ATXN1: variants seen among roughly 807,000 people sequenced by gnomAD.
ATXN1 encodes the protein ataxin 1.
In ATXN1, 8 loss-of-function variants were observed where a neutral mutation model predicts 56.4. That is an observed-to-expected ratio of 0.14 (90% CI 0.08 to 0.26). The LOEUF (loss-of-function observed/expected upper bound fraction) is 0.26. Ranked by LOEUF, ATXN1 falls within the 10% of genes least tolerant of loss-of-function variation. ATXN1 has a pLI of 1.00. For synonymous variants in ATXN1, 514 were observed against 494.6 expected, an observed-to-expected ratio of 1.04 and a Z score of -0.52; for missense variants, 987 against 1,106.5, an observed-to-expected ratio of 0.89 and a Z score of 1.53.
chr6:16,495,510 G>C (rs1366549716), intron 5 of ATXN1, among the ~76,000 whole-genome samples: 3 of 152,138 alleles, frequency 2.0e-5, no homozygotes, highest in Non-Finnish European at 4.4e-5. Context: ...TTCTTTTTAT[G>C]AACTACTACC....
chr6:16,729,758 A>T (rs188432325), intron 2 of ATXN1, among the ~76,000 whole-genome samples: 39 of 152,216 alleles, frequency 2.6e-4, no homozygotes, highest in African/African-American at 9.1e-4. Flanking sequence ...TTAATTATCT[A>T]TTGCAACGGT....
chr6:16,339,179 C>T (rs1262217250), intron 6 of ATXN1, among the ~76,000 whole-genome samples: 6 of 152,168 alleles, frequency 3.9e-5, no homozygotes, highest in East Asian at 1.9e-4. Context: ...CGATGCAAAG[C>T]GCCAGCAACT....
chr6:16,462,499 T>A (rs1053695523), intron 6 of ATXN1, among the ~76,000 whole-genome samples: 1 of 152,226 alleles, frequency 6.6e-6, no homozygotes, highest in Non-Finnish European at 1.5e-5. Flanking sequence ...GCCCCTTTAA[T>A]GGAATCCTTT....
chr6:16,449,725 G>C (rs1581770838), intron 6 of ATXN1, among the ~76,000 whole-genome samples: 1 of 152,090 alleles, frequency 6.6e-6, no homozygotes, highest in African/African-American at 2.4e-5. Context: ...GTTTTAAGTG[G>C]ATAAGTTTAA....
intron 6 of ATXN1, among the ~76,000 whole-genome samples, chr6:16,461,302 T>C (rs1170740957): frequency 6.6e-6 from 1 of 152,132 alleles, no homozygotes; most frequent in Non-Finnish European, 1.5e-5. Flanking sequence ...GAGGGAAAGG[T>C]ACTCATATCC....
At chr6:16,523,157 C>T (rs1761326279) in intron 4 of ATXN1, among the ~76,000 whole-genome samples, 1 of 152,184 alleles carries the variant, frequency 6.6e-6, no homozygotes, top group Non-Finnish European at 1.5e-5. Context: ...CCACCTCAGC[C>T]TCCCAAAGTG....
intron 2 of ATXN1, among the ~76,000 whole-genome samples, chr6:16,736,422 A>C (rs1760134378): frequency 6.6e-6 from 1 of 152,226 alleles, no homozygotes; most frequent in Non-Finnish European, 1.5e-5. Flanking sequence ...AATGAAATCA[A>C]CCTTAAAATA....
intron 6 of ATXN1, among the ~76,000 whole-genome samples, chr6:16,461,765 C>T (rs975953469): frequency 1.3e-5 from 2 of 152,196 alleles, no homozygotes; most frequent in Non-Finnish European, 2.9e-5. Flanking sequence ...TTCCAGGGCA[C>T]TAGGGATACA....
intron 2 of ATXN1, among the ~76,000 whole-genome samples, chr6:16,658,114 G>C (rs1468959127): frequency 6.8e-6 from 1 of 146,382 alleles, no homozygotes; most frequent in Non-Finnish European, 1.5e-5. Context: ...AAGAAAGAAA[G>C]AAAAAAAAAA....
At chr6:16,346,333 G>C (rs576650885) in intron 6 of ATXN1, among the ~76,000 whole-genome samples, 3 of 152,104 alleles carry the variant, frequency 2.0e-5, no homozygotes, top group Non-Finnish European at 4.4e-5. Flanking sequence ...GTGAGCCACC[G>C]CTTGGGATTA....
chr6:16,385,841 A>G (rs1758229810), intron 6 of ATXN1, among the ~76,000 whole-genome samples: 1 of 152,238 alleles, frequency 6.6e-6, no homozygotes, highest in African/African-American at 2.4e-5. Flanking sequence ...TATTCAAAGA[A>G]TAAGATAAGT....
intron 4 of ATXN1, among the ~76,000 whole-genome samples, chr6:16,544,172 T>C (rs920028462): frequency 3.3e-5 from 5 of 152,212 alleles, no homozygotes; most frequent in Admixed American, 6.5e-5. Flanking sequence ...TCCACGCTCC[T>C]CGTCTTTCTC....
chr6:16,642,141 A>AC (rs750664531), intron 3 of ATXN1, among the ~76,000 whole-genome samples: 2 of 152,202 alleles, frequency 1.3e-5, no homozygotes, highest in Non-Finnish European at 2.9e-5. Flanking sequence ...TAATCTCAGC[A>AC]CTTTGGGAGG....
chr6:16,492,054 C>A (rs1760676098), intron 5 of ATXN1, among the ~76,000 whole-genome samples: 1 of 152,144 alleles, frequency 6.6e-6, no homozygotes, highest in Admixed American at 6.5e-5. Flanking sequence ...TAAGGCAGCC[C>A]TGTTGACACC....
chr6:16,543,913 C>T (rs1761764415), intron 4 of ATXN1, among the ~76,000 whole-genome samples: 1 of 152,116 alleles, frequency 6.6e-6, no homozygotes, highest in Non-Finnish European at 1.5e-5. Flanking sequence ...AACCTAAAGA[C>T]TCGATTGCAG....
At chr6:16,511,493 T>C (rs1397418904) in intron 5 of ATXN1, among the ~76,000 whole-genome samples, 4 of 152,214 alleles carry the variant, frequency 2.6e-5, no homozygotes, top group South Asian at 2.1e-4. Flanking sequence ...AGGACTAGGA[T>C]TGACATATGT....
chr6:16,513,648 G>A (rs148059053), intron 5 of ATXN1, among the ~76,000 whole-genome samples: 8 of 152,290 alleles, frequency 5.3e-5, no homozygotes, highest in South Asian at 2.1e-4. Flanking sequence ...AGAGCGTCAC[G>A]TGTCTTCCAA....
chr6:16,553,245 T>A (rs2113730609), intron 4 of ATXN1, among the ~76,000 whole-genome samples: 1 of 152,342 alleles, frequency 6.6e-6, no homozygotes, highest in South Asian at 2.1e-4. Flanking sequence ...CGAACACTTA[T>A]TACAAATGTG....
At chr6:16,697,953 A>G (rs540904165) in intron 2 of ATXN1, among the ~76,000 whole-genome samples, 39 of 152,134 alleles carry the variant, frequency 2.6e-4, no homozygotes, top group Non-Finnish European at 4.1e-4. Flanking sequence ...TGCCCCAGAG[A>G]GCAGAATGAG....
Sources: allele counts gnomAD v4.1 joint callset (sites outside exome capture counted in the v4.1 genomes callset), GRCh38; gene constraint gnomAD v4.1.1; transcripts MANE v1.5; gene names NCBI Gene and HGNC (gene_info 2026-07-23, HGNC 2026-07-21).